The following TXLNG variants were observed in gnomAD, a reference collection of about 807,000 sequenced individuals.
TXLNG encodes taxilin gamma.
TXLNG carries 5 observed loss-of-function variants against 38.8 expected under a neutral mutation model. The observed-to-expected ratio is 0.13, with a 90% CI of 0.07 to 0.27. The LOEUF is 0.27. TXLNG is among the 10% of genes least tolerant of loss of function. The probability of loss-of-function intolerance (pLI) is 1.00; values close to 1 mark genes in which losing one functional copy is unlikely to be tolerated. For missense variants in TXLNG, 393 were observed against 398.2 expected (o/e 0.99, Z 0.11); for synonymous variants, 182 against 158.2 (o/e 1.15, Z -1.13).
rs1329650164 is a variant in TXLNG at position 16,801,062 on chromosome X, G to A, written c.102+14473G>A. Among the ~76,000 whole-genome samples, 7 of 112,811 alleles carry A rather than the reference G, an allele frequency of 6.2e-5. No individual in the cohort carries two copies. The East Asian group carries it at 8.4e-4, about 14-fold the overall frequency. ...CACGCCTGCTCCTGTTTTGCCTTCCGTCATGAATAAGAGCTCCCTGGGCCT... is the reference window on the plus strand; with the variant it reads ...CACGCCTGCTCCTGTTTTGCCTTCCATCATGAATAAGAGCTCCCTGGGCCT... On this transcript the variant is annotated intron_variant, in intron 1 of 9. Transcript: ENST00000380122.
In TXLNG at chrX:16,832,553, C is replaced by T. The variant is rs1473061641; in HGVS notation, c.865-70C>T. The T allele has an allele frequency of 2.5e-6, 3 of 1,189,832 alleles. No homozygotes were observed. The Admixed American group carries it at 6.7e-5, about 26-fold the overall frequency. On this transcript the variant is annotated intron_variant, in intron 5 of 9. Coordinates refer to ENST00000380122, the MANE Select transcript of TXLNG (RefSeq NM_018360.3). ...CAGGGTGAGCAGGGTGCTGTAACTGCTGTGATGTTTCCTCCCCACTGTGTT... is the reference window on the plus strand; with the variant it reads ...CAGGGTGAGCAGGGTGCTGTAACTGTTGTGATGTTTCCTCCCCACTGTGTT...
At chrX:16,807,077 C>T (rs979487404) in intron 1 of TXLNG, among the ~76,000 whole-genome samples, 46 of 111,233 alleles carry the variant, frequency 4.1e-4, no homozygotes, top group Non-Finnish European at 6.2e-4. Context: ...GAGCGAGACT[C>T]TGTCTTAAAA....
At chrX:16,821,528 G>A (rs1192506480) in intron 3 of TXLNG, among the ~76,000 whole-genome samples, 3 of 112,290 alleles carry the variant, frequency 2.7e-5, no homozygotes, top group Non-Finnish European at 5.6e-5. Context: ...AATGGTTGCG[G>A]GAAGCTTTTA....
intron 1 of TXLNG, among the ~76,000 whole-genome samples, chrX:16,817,250 T>A (rs1289441682): frequency 8.9e-6 from 1 of 112,163 alleles, no homozygotes; most frequent in Non-Finnish European, 1.9e-5. Flanking sequence ...GATACACATA[T>A]GTACACACTT....
chrX:16,793,375 T>C (rs2147458969), intron 1 of TXLNG, among the ~76,000 whole-genome samples: 1 of 111,704 alleles, frequency 9.0e-6, no homozygotes, highest in Admixed American at 9.6e-5. Flanking sequence ...ATTTATTGCT[T>C]AGGGTGTTGA....
chrX:16,819,186 C>T (rs1044536633), intron 2 of TXLNG, among the ~76,000 whole-genome samples: 16 of 110,705 alleles, frequency 1.4e-4, no homozygotes, highest in African/African-American at 4.9e-4. Context: ...CAGTCCTCTC[C>T]TGCCTCGGCC....
intron 3 of TXLNG, among the ~76,000 whole-genome samples, chrX:16,825,200 GT>G (rs753273959): frequency 1.8e-4 from 20 of 112,288 alleles, no homozygotes; most frequent in Non-Finnish European, 3.2e-4. Context: ...TAGGACCACA[GT>G]GAGATGCCAT....
intron 1 of TXLNG, among the ~76,000 whole-genome samples, chrX:16,788,457 G>T (rs773059808): frequency 9.0e-6 from 1 of 111,209 alleles, no homozygotes; most frequent in Non-Finnish European, 1.9e-5. Flanking sequence ...CTAACTGACA[G>T]TGACGGCATT....
At chrX:16,823,247 T>G (rs1331754381) in intron 3 of TXLNG, among the ~76,000 whole-genome samples, 1 of 109,010 alleles carries the variant, frequency 9.2e-6, no homozygotes, top group East Asian at 2.9e-4. Flanking sequence ...TCACCTGAGG[T>G]CGGGAGTTCG....
Position 16,808,544 on chromosome X carries a change from C to T in TXLNG, c.103-10030C>T, listed in dbSNP as rs1294245620. On this transcript the variant is annotated intron_variant, in intron 1 of 9. Coordinates refer to ENST00000380122, the MANE Select transcript of TXLNG (RefSeq NM_018360.3). Reference sequence around the variant, plus strand: ...TGTGAAAGTCTTGTCCCCACTCACCCAGTTTGTCTCCAGTAATGTTTCTTT... The same window carrying T: ...TGTGAAAGTCTTGTCCCCACTCACCTAGTTTGTCTCCAGTAATGTTTCTTT... Among the ~76,000 whole-genome samples, 3 of 111,562 alleles carry T rather than the reference C, an allele frequency of 2.7e-5. No individual in the cohort carries two copies. The Admixed American group carries it at 2.9e-4, about 11-fold the overall frequency.
chrX:16,833,563 A>G (rs1184973176), intron 6 of TXLNG, among the ~76,000 whole-genome samples: 6 of 111,568 alleles, frequency 5.4e-5, no homozygotes, highest in Non-Finnish European at 7.5e-5. Flanking sequence ...TGAACTGACA[A>G]TAGTATCCAG....
intron 1 of TXLNG, among the ~76,000 whole-genome samples, chrX:16,789,259 G>T (rs977736841): frequency 4.5e-5 from 5 of 110,353 alleles, no homozygotes; most frequent in African/African-American, 1.7e-4. Flanking sequence ...CTAGTCACTC[G>T]CGACCTGCTC....
At chrX:16,831,582 T>G (rs1488312670) in intron 5 of TXLNG, among the ~76,000 whole-genome samples, 1 of 112,326 alleles carries the variant, frequency 8.9e-6, no homozygotes, top group African/African-American at 3.2e-5. Context: ...TGAAGAAACG[T>G]CTTTTTTGTC....
chrX:16,834,433 C>T, intron 7 of TXLNG, 76 bp downstream of exon 7: 1 of 929,695 alleles, frequency 1.1e-6, no homozygotes, highest in Non-Finnish European at 1.5e-6. Flanking sequence ...TCTTCAATCT[C>T]CTCTAAGATG....
At position 16,828,245 on chromosome X, in the gene TXLNG, G is replaced by A. The variant is rs752944709; in HGVS notation, c.650G>A (p.Arg217His). 5 of 1,204,436 alleles carry A rather than the reference G, an allele frequency of 4.2e-6. No homozygotes were observed. Among genetic ancestry groups the A allele is most frequent in the Admixed American group, 2.2e-5 (1 of 45,050 alleles). ...KLESLCRELQ[R>H]HNKTLKEENM... ...GAATCTCTTTGCAGAGAACTTCAGC[G>A]TCACAATAAGACGTTAAAGGTTAGT... The change falls in exon 4 of 10, where the codon CGT becomes CAT. Residue 217 changes from arginine (R) to histidine (H), a missense_variant. Arg to His is a conservative substitution (Grantham distance 29, BLOSUM62 0). Coordinates refer to ENST00000380122, the MANE Select transcript of TXLNG (RefSeq NM_018360.3).
At chrX:16,809,217 C>G (rs1928423279) in intron 1 of TXLNG, among the ~76,000 whole-genome samples, 2 of 110,905 alleles carry the variant, frequency 1.8e-5, no homozygotes, top group South Asian at 7.6e-4. Context: ...CCAGTCAGTC[C>G]CTTCCCCGAC....
chrX:16,819,657 C>T (rs1602383121), intron 2 of TXLNG, among the ~76,000 whole-genome samples: 1 of 111,871 alleles, frequency 8.9e-6, no homozygotes, highest in East Asian at 2.8e-4. Context: ...TTAGTTAACA[C>T]ACAGAATATA....
chrX:16,816,051 G>A (rs1928728616), intron 1 of TXLNG, among the ~76,000 whole-genome samples: 1 of 109,910 alleles, frequency 9.1e-6, no homozygotes, highest in Admixed American at 9.8e-5. Context: ...TATGTTATTT[G>A]GGTATATTAA....
intron 1 of TXLNG, among the ~76,000 whole-genome samples, chrX:16,797,050 G>A (rs1927914484): frequency 9.0e-6 from 1 of 111,411 alleles, no homozygotes; most frequent in African/African-American, 3.3e-5. Context: ...TTGGGAGACC[G>A]AGGTGGGTGG....
Sources: allele counts gnomAD v4.1 joint callset (sites outside exome capture counted in the v4.1 genomes callset), GRCh38; gene constraint gnomAD v4.1.1; transcripts MANE v1.5; gene names NCBI Gene and HGNC (gene_info 2026-07-23, HGNC 2026-07-21).